GLMN: variants seen among roughly 807,000 people sequenced by gnomAD.
GLMN encodes glomulin, FKBP associated protein.
Under a neutral mutation model 87.8 loss-of-function variants are expected in GLMN, and 75 were observed. That is an observed-to-expected ratio of 0.85 (90% confidence interval 0.71 to 1.04). The LOEUF (loss-of-function observed/expected upper bound fraction) is 1.04, where lower values mean the gene tolerates loss of function less well. GLMN is among the 50% of genes least tolerant of loss of function. The pLI is 0.00. For synonymous variants in GLMN, 206 were observed against 221.6 expected, an observed-to-expected ratio of 0.93 and a Z score of 0.63; for missense variants, 588 against 658.8, an observed-to-expected ratio of 0.89 and a Z score of 1.18.
At chr1:92,348,346 G>A in the GLMN span, among the ~76,000 whole-genome samples, 1 of 152,158 alleles carries the variant, frequency 6.6e-6, no homozygotes, top group Non-Finnish European at 1.5e-5. Flanking sequence ...ATCTTCCCCA[G>A]TTAGGGGAAA....
At chr1:92,338,521 T>A in the GLMN span, among the ~76,000 whole-genome samples, 2 of 152,202 alleles carry the variant, frequency 1.3e-5, no homozygotes, top group African/African-American at 4.8e-5. Context: ...TTTAAATAGA[T>A]ATACATAGTA....
intron 1 of GLMN, among the ~76,000 whole-genome samples, chr1:92,298,376 A>C (rs1055205862): frequency 1.3e-5 from 2 of 152,174 alleles, no homozygotes; most frequent in African/African-American, 4.8e-5. Context: ...TATACGAACT[A>C]AAGGGCTTTT....
At chr1:92,296,081 TACTG>T (rs1369788398) in intron 3 of GLMN, among the ~76,000 whole-genome samples, 13 of 152,170 alleles carry the variant, frequency 8.5e-5, no homozygotes, top group Admixed American at 1.3e-4. Flanking sequence ...CCATTTGAAC[TACTG>T]ACTAAGAGAT....
At chr1:92,336,434 GT>G in the GLMN span, 32 of 1,544,168 alleles carry the variant, frequency 2.1e-5, 1 homozygote, top group Middle Eastern at 3.5e-4. Flanking sequence ...TCAGGTTAGT[GT>G]TTATATTACA....
chr1:92,333,431 A>G, the GLMN span: 1 of 1,613,754 alleles, frequency 6.2e-7, no homozygotes, highest in Non-Finnish European at 8.5e-7. Flanking sequence ...AGTTCCCAGA[A>G]CCAGATTAGA....
the GLMN span, among the ~76,000 whole-genome samples, chr1:92,363,062 CA>C: frequency 1.3e-5 from 2 of 151,936 alleles, no homozygotes; most frequent in Non-Finnish European, 1.5e-5. Flanking sequence ...ACTCCTTCTC[CA>C]GGGGGAAAAA....
At chr1:92,272,326 G>GT (rs1656320996) in intron 7 of GLMN, among the ~76,000 whole-genome samples, 1 of 152,180 alleles carries the variant, frequency 6.6e-6, no homozygotes, top group African/African-American at 2.4e-5. Flanking sequence ...AAGGTATGCT[G>GT]TTTTAAACTG....
upstream of GLMN, chr1:92,299,265 G>T (rs1248594927): frequency 1.9e-6 from 1 of 525,296 alleles, no homozygotes; most frequent in African/African-American, 2.0e-5. Context: ...GTTCTCCCAG[G>T]TAGAGTAGGC....
the GLMN span, among the ~76,000 whole-genome samples, chr1:92,340,448 G>C: frequency 6.6e-6 from 1 of 152,158 alleles, no homozygotes; most frequent in Non-Finnish European, 1.5e-5. Flanking sequence ...ACTGATAGTG[G>C]GAAAGAGTTG....
intron 7 of GLMN, among the ~76,000 whole-genome samples, chr1:92,285,540 C>G (rs1648643845): frequency 6.6e-6 from 1 of 152,174 alleles, no homozygotes; most frequent in South Asian, 2.1e-4. Flanking sequence ...GTGCAGCAAA[C>G]CAACATGGCA....
the GLMN span, among the ~76,000 whole-genome samples, chr1:92,320,007 A>G: frequency 1.3e-5 from 2 of 152,230 alleles, no homozygotes; most frequent in African/African-American, 2.4e-5. Flanking sequence ...TCAAAAAAAA[A>G]AAAAAGAAAA....
At chr1:92,345,436 G>C in the GLMN span, among the ~76,000 whole-genome samples, 1 of 135,596 alleles carries the variant, frequency 7.4e-6, no homozygotes, top group African/African-American at 2.6e-5. Context: ...AGGAAGGAAG[G>C]AAGGGAGGGA....
the GLMN span, among the ~76,000 whole-genome samples, chr1:92,366,909 A>G: frequency 6.6e-6 from 1 of 152,170 alleles, no homozygotes; most frequent in Non-Finnish European, 1.5e-5. Flanking sequence ...GCAAACAGGT[A>G]TTTTGGTTTA....
At chr1:92,300,512 C>T (rs1449607337), upstream of GLMN, among the ~76,000 whole-genome samples, 1 of 152,154 alleles carries the variant, frequency 6.6e-6, no homozygotes, top group South Asian at 2.1e-4. Flanking sequence ...GGTACACTCT[C>T]CTTTTATTGC....
chr1:92,335,873 AT>A, the GLMN span, among the ~76,000 whole-genome samples: 7 of 152,202 alleles, frequency 4.6e-5, no homozygotes, highest in South Asian at 1.2e-3. Flanking sequence ...CTTAGATTAA[AT>A]TTTTTTCATA....
upstream of GLMN, among the ~76,000 whole-genome samples, chr1:92,299,446 G>C (rs1650625250): frequency 6.6e-6 from 1 of 152,124 alleles, no homozygotes; most frequent in Non-Finnish European, 1.5e-5. Flanking sequence ...GGGTTTCGGG[G>C]CAAGTGACTA....
chr1:92,325,478 A>G, the GLMN span, among the ~76,000 whole-genome samples: 4 of 152,148 alleles, frequency 2.6e-5, no homozygotes, highest in African/African-American at 4.8e-5. Flanking sequence ...CTACCATAGA[A>G]CATCACTTAT....
chr1:92,308,600 A>C, the GLMN span, among the ~76,000 whole-genome samples: 2 of 152,108 alleles, frequency 1.3e-5, no homozygotes, highest in African/African-American at 4.8e-5. Flanking sequence ...CATTTACCAA[A>C]TTACCTTTCC....
the GLMN span, chr1:92,320,639 G>C: frequency 6.2e-7 from 1 of 1,601,046 alleles, no homozygotes. Context: ...ACAAAGGTAT[G>C]GTTGAATCAG....
Sources: gnomAD v4.1 joint callset for allele counts (sites outside exome capture counted in the v4.1 genomes callset) on GRCh38, gnomAD v4.1.1 for gene constraint, MANE v1.5 for transcripts, NCBI Gene and HGNC (gene_info 2026-07-23, HGNC 2026-07-21) for gene names.